LYSMD1: variants seen among roughly 807,000 people sequenced by gnomAD.
The protein encoded by LYSMD1 is lysM and putative peptidoglycan-binding domain-containing protein 1.
In LYSMD1, 9 loss-of-function variants were observed where a neutral mutation model predicts 19.3. The observed-to-expected ratio is 0.47, with a 90% confidence interval of 0.28 to 0.81. LYSMD1 has a LOEUF of 0.81. Ranked by LOEUF, LYSMD1 falls within the 40% of genes least tolerant of loss-of-function variation. The pLI is 0.11. For missense variants in LYSMD1, 262 were observed against 279.8 expected, an observed-to-expected ratio of 0.94 and a Z score of 0.45; for synonymous variants, 111 against 111.7, an observed-to-expected ratio of 0.99 and a Z score of 0.04.
the LYSMD1 span, among the ~76,000 whole-genome samples, chr1:151,150,580 T>C: frequency 6.6e-6 from 1 of 152,188 alleles, no homozygotes; most frequent in African/African-American, 2.4e-5. Flanking sequence ...TCTGTGCCAT[T>C]TGACCTGTTG....
downstream of LYSMD1, among the ~76,000 whole-genome samples, chr1:151,155,474 G>A (rs1301299809): frequency 3.9e-5 from 6 of 152,062 alleles, no homozygotes; most frequent in South Asian, 1.0e-3. Flanking sequence ...AGTGGCTCAC[G>A]CCTGTAATCC....
chr1:151,161,900 C>T lies in LYSMD1; in HGVS notation c.381G>A (p.Glu127=). 6.2e-7 allele frequency: 1 copy of T among 1,614,062 alleles called. No individual in the cohort carries two copies. The highest frequency in any genetic ancestry group is 8.5e-7 in the Non-Finnish European group (1 of 1,180,024). Reference sequence around the variant, plus strand: ...CACCATTGGCACGTCCTGCTCCTGTCTCTTGTTTCTTCCTCTCAGTTGAGT... The same window carrying T: ...CACCATTGGCACGTCCTGCTCCTGTTTCTTGTTTCTTCCTCTCAGTTGAGT... The part of the protein sequence containing the change: ...WPHSTERKKQ[E]TGAGRANGEV... Residue 127 remains glutamate, a synonymous_variant, in exon 2 of 3, where the codon GAG becomes GAA. Coordinates refer to ENST00000368908, the MANE Select transcript of LYSMD1 (RefSeq NM_212551.5).
In LYSMD1 at chr1:151,161,837, G is replaced by A. The variant is rs1403558688; in HGVS notation, c.444C>T (p.Pro148=). 3 of 1,613,570 alleles carry A rather than the reference G, an allele frequency of 1.9e-6. No individual in the cohort carries two copies. The highest frequency in any genetic ancestry group is 1.7e-6 in the Non-Finnish European group (2 of 1,179,874). ...AATCAGAGGCAGAGAGGTCATGGAT[G>A]GGCGTGGGGGTTTCCTGGCCAGGTG... is the stretch of plus-strand genomic sequence containing the variant. ...LPTPGQETPT[P]IHDLSASDFL... is the part of the protein sequence containing the mutation. Residue 148 remains proline (P), a synonymous_variant, in exon 2 of 3, where the codon CCC becomes CCT. Transcript: ENST00000368908.
At chr1:151,151,169 A>G in the LYSMD1 span, among the ~76,000 whole-genome samples, 3 of 152,082 alleles carry the variant, frequency 2.0e-5, no homozygotes, top group South Asian at 6.2e-4. Context: ...AACAGTTACA[A>G]AACCAACAGT....
Position 151,165,061 on chromosome 1 carries a change from C to A in LYSMD1, c.180+18G>T. 6.2e-7 allele frequency: 1 copy of A among 1,609,996 alleles called. No homozygotes were observed. The highest frequency in any genetic ancestry group is 1.3e-5 in the African/African-American group (1 of 75,006). ...TCCCTCCTGACTGTTGTCTTCACCCCAATCCTGGAAAACTCACCGTCACCC... is the reference window on the plus strand; with the variant it reads ...TCCCTCCTGACTGTTGTCTTCACCCAAATCCTGGAAAACTCACCGTCACCC... On this transcript the variant is annotated intron_variant, in intron 1 of 2. Coordinates refer to ENST00000368908, the MANE Select transcript of LYSMD1 (RefSeq NM_212551.5).
chr1:151,162,251 A>C (rs1683484266), intron 1 of LYSMD1, 151 bp from the exon 2 acceptor site: 3 of 796,024 alleles, frequency 3.8e-6, no homozygotes, highest in Non-Finnish European at 5.6e-6. Context: ...TCTATAGATG[A>C]GTGGTTTTCA....
Position 151,165,458 on chromosome 1 carries a change from G to A in LYSMD1, c.-200C>T. On this transcript the variant is annotated 5_prime_UTR_variant, in exon 1 of 3. Transcript: ENST00000368908. ...CTCCAAGCTACTTATCCACAAATCT[G>A]TCCCTTGAGTATTCAGTCCCTCCCT... 2.1e-6 allele frequency: 3 copies of A among 1,430,838 alleles called. No homozygotes were observed. Among genetic ancestry groups the A allele is most frequent in the Non-Finnish European group, 2.7e-6 (3 of 1,099,634 alleles). The allele number at this position is 1,430,838 out of a possible 1,614,324, so 88.6% of individuals were successfully genotyped here.
chr1:151,159,018 A>C, downstream of LYSMD1: 2 of 1,614,266 alleles, frequency 1.2e-6, no homozygotes, highest in Non-Finnish European at 1.7e-6. Flanking sequence ...TTGGTGAGGT[A>C]GACTTCACCT....
the LYSMD1 span, among the ~76,000 whole-genome samples, chr1:151,153,970 A>T: frequency 7.9e-5 from 12 of 152,048 alleles, no homozygotes; most frequent in Admixed American, 7.9e-4. Flanking sequence ...GAAAAAAAAA[A>T]AAATGAGAGA....
At chr1:151,162,485 G>C (rs77018356) in intron 1 of LYSMD1, among the ~76,000 whole-genome samples, 7,077 of 152,032 alleles carry the variant, frequency 0.047, 214 homozygotes, top group Non-Finnish European at 0.072. Flanking sequence ...TAAAAATGAA[G>C]GAACTGAGGC....
chr1:151,165,561 T>A lies in LYSMD1; in HGVS notation c.-303A>T. On this transcript the variant is annotated 5_prime_UTR_variant, in exon 1 of 3. Coordinates refer to ENST00000368908, the MANE Select transcript of LYSMD1 (RefSeq NM_212551.5). ...ACATTGACCTCTGACCTTTGAACTC[T>A]AGAAATAATCCTCAACACTCTTTCC... 3 of 1,466,340 alleles carry A rather than the reference T, an allele frequency of 2.0e-6. No homozygotes were observed. The highest frequency in any genetic ancestry group is 2.5e-5 in the Admixed American group (1 of 40,196). The allele number at this position is 1,466,340 out of a possible 1,614,324, so 90.8% of individuals were successfully genotyped here.
chr1:151,155,974 C>A (rs1683208118), downstream of LYSMD1, among the ~76,000 whole-genome samples: 1 of 151,704 alleles, frequency 6.6e-6, no homozygotes, highest in Admixed American at 6.6e-5. Context: ...GTGGCACAGG[C>A]CTGTAATTTC....
the LYSMD1 span, among the ~76,000 whole-genome samples, chr1:151,154,381 A>G: frequency 2.0e-5 from 3 of 151,568 alleles, no homozygotes; most frequent in Middle Eastern, 3.4e-3. Context: ...AGGCTGAGGC[A>G]GGAGAATCAC....
downstream of LYSMD1, chr1:151,159,713 G>A (rs1019046665): frequency 1.1e-5 from 2 of 182,696 alleles, no homozygotes; most frequent in Admixed American, 5.4e-5. Flanking sequence ...TAGGGCAGGG[G>A]AGATTCTCAT....
At chr1:151,165,017 C>T in intron 1 of LYSMD1, 62 bp downstream of exon 1, 1 of 1,465,196 alleles carries the variant, frequency 6.8e-7, no homozygotes, top group Non-Finnish European at 9.4e-7. Flanking sequence ...AGGGCCACTA[C>T]ATTCTTCTCA....
At chr1:151,153,107 G>A in the LYSMD1 span, among the ~76,000 whole-genome samples, 7 of 152,298 alleles carry the variant, frequency 4.6e-5, no homozygotes, top group African/African-American at 1.4e-4. Flanking sequence ...TTCTGTAAGT[G>A]GACATACTAC....
downstream of LYSMD1, chr1:151,158,775 G>T: frequency 6.2e-7 from 1 of 1,614,082 alleles, no homozygotes; most frequent in Non-Finnish European, 8.5e-7. Flanking sequence ...GTCGCTCTGT[G>T]GCTCATCTCT....
In LYSMD1 at chr1:151,165,816, A is replaced by G. The variant is rs1683665803; in HGVS notation, c.-558T>C. ...TCACACCCTCAAATTTCGGCTCCACATCTAGGTTGTTGTCCCTCCAAACGC... is the reference window on the plus strand; with the variant it reads ...TCACACCCTCAAATTTCGGCTCCACGTCTAGGTTGTTGTCCCTCCAAACGC... On this transcript the variant is annotated 5_prime_UTR_variant, in exon 1 of 3. It removes an upstream start codon present in the reference 5' UTR. Transcript: ENST00000368908. 5 of 1,525,062 alleles carry G rather than the reference A, an allele frequency of 3.3e-6. No individual in the cohort carries two copies. The highest frequency in any genetic ancestry group is 3.6e-6 in the Non-Finnish European group (4 of 1,122,826). The allele number at this position is 1,525,062 out of a possible 1,614,324, so 94.5% of individuals were successfully genotyped here. A position where few individuals can be genotyped will look rare whatever the true frequency, so the allele number is the denominator to read the frequency against.
chr1:151,150,399 A>G, the LYSMD1 span, among the ~76,000 whole-genome samples: 11 of 152,136 alleles, frequency 7.2e-5, no homozygotes, highest in African/African-American at 2.7e-4. Flanking sequence ...TCCCTTCATA[A>G]CTAAGCTTCT....
Sources: gnomAD v4.1 joint callset for allele counts (sites outside exome capture counted in the v4.1 genomes callset) on GRCh38, gnomAD v4.1.1 for gene constraint, MANE v1.5 for transcripts, NCBI Gene and HGNC (gene_info 2026-07-23, HGNC 2026-07-21) for gene names.